CTNNA2: variants seen among roughly 807,000 people sequenced by gnomAD.
CTNNA2 encodes catenin alpha-2.
CTNNA2 carries 42 observed loss-of-function variants against 101.0 expected under a neutral mutation model. That is an observed-to-expected ratio of 0.42 (90% confidence interval 0.32 to 0.54). CTNNA2 has a LOEUF of 0.54. Among genes scored for constraint, CTNNA2 ranks in the 20% least tolerant of loss-of-function variants. CTNNA2 has a pLI of 0.14. For synonymous variants in CTNNA2, 450 were observed against 456.4 expected (o/e 0.99, Z 0.18); for missense variants, 871 against 1,223.1 (o/e 0.71, Z 4.29).
intron 9 of CTNNA2, among the ~76,000 whole-genome samples, chr2:80,441,155 A>C (rs186343910): frequency 2.0e-5 from 3 of 152,320 alleles, no homozygotes; most frequent in East Asian, 3.9e-4. Flanking sequence ...TAAATCCTAC[A>C]TGGTGGGTGG....
chr2:80,043,129 CCTTCCTTCCTTCCT>C (rs1696267484), intron 7 of CTNNA2, among the ~76,000 whole-genome samples: 2 of 37,250 alleles, frequency 5.4e-5, no homozygotes, highest in African/African-American at 3.7e-4. Context: ...CTCCTTCCTT[CCTTCCTTCCTTCCT>C]TCCTTCCTTC....
intron 18 of CTNNA2, among the ~76,000 whole-genome samples, chr2:80,622,129 C>A (rs1429617217): frequency 4.6e-5 from 7 of 151,886 alleles, no homozygotes; most frequent in Non-Finnish European, 8.8e-5. Context: ...ACCCCTTTCC[C>A]CTAAATCATA....
At chr2:79,232,507 A>G (rs748610316) in intron 2 of CTNNA2, among the ~76,000 whole-genome samples, 6 of 151,912 alleles carry the variant, frequency 3.9e-5, no homozygotes, top group Admixed American at 2.6e-4. Context: ...TTCTTTTTTC[A>G]TTGTGTCTCT....
At chr2:79,490,653 A>G (rs894340294) in intron 4 of CTNNA2, among the ~76,000 whole-genome samples, 21 of 152,306 alleles carry the variant, frequency 1.4e-4, no homozygotes, top group Admixed American at 1.2e-3. Context: ...AACACAATGA[A>G]TGGTTATTGA....
intron 6 of CTNNA2, among the ~76,000 whole-genome samples, chr2:79,897,425 T>C (rs1185050940): frequency 1.3e-5 from 2 of 152,052 alleles, no homozygotes; most frequent in African/African-American, 4.8e-5. Flanking sequence ...ACCATGGAAA[T>C]ATAAAGTATT....
intron 5 of CTNNA2, among the ~76,000 whole-genome samples, chr2:79,873,451 T>C (rs912532335): frequency 6.6e-6 from 1 of 151,902 alleles, no homozygotes; most frequent in Admixed American, 6.6e-5. Flanking sequence ...TACAGTAAAG[T>C]AGGAAGTGTT....
rs564498678 is a variant in CTNNA2 at position 80,397,623 on chromosome 2, C to A, written c.1137+4332C>A. ...CCGTGTATGATGTGACTTTGCTCTTCCTCCACCTTCCTCCAGGGTTGTGCG... is the reference window on the plus strand; with the variant it reads ...CCGTGTATGATGTGACTTTGCTCTTACTCCACCTTCCTCCAGGGTTGTGCG... On this transcript the variant is annotated intron_variant, in intron 8 of 18. Coordinates refer to ENST00000402739, the MANE Select transcript of CTNNA2 (RefSeq NM_001282597.3). 5.3e-5 allele frequency among the ~76,000 whole-genome samples: 8 copies of A among 152,298 alleles called. No individual in the cohort carries two copies. The East Asian group carries it at 1.5e-3, about 29-fold the overall frequency.
chr2:80,013,593 A>G (rs912067806), intron 7 of CTNNA2, among the ~76,000 whole-genome samples: 5 of 152,132 alleles, frequency 3.3e-5, no homozygotes, highest in Non-Finnish European at 7.4e-5. Flanking sequence ...TCTGCAGAAC[A>G]GTTTTGGTTG....
At chr2:79,651,693 G>A (rs780303654) in intron 2 of CTNNA2, 35 bp downstream of exon 2, 1 of 1,549,702 alleles carries the variant, frequency 6.5e-7, no homozygotes, top group Non-Finnish European at 8.9e-7. Flanking sequence ...TGTTATATAT[G>A]TGTTTCTATT....
chr2:79,594,398 C>CT (rs1477125912), intron 1 of CTNNA2, among the ~76,000 whole-genome samples: 1 of 152,140 alleles, frequency 6.6e-6, no homozygotes, highest in Non-Finnish European at 1.5e-5. Context: ...TTTAACTTCT[C>CT]TTTGTTATTA....
chr2:79,216,232 G>A (rs1400164673), intron 2 of CTNNA2, among the ~76,000 whole-genome samples: 1 of 152,052 alleles, frequency 6.6e-6, no homozygotes, highest in Non-Finnish European at 1.5e-5. Context: ...TCAGGTGTGA[G>A]TTGAAGAGGT....
At chr2:79,405,400 A>C (rs1399992078) in intron 4 of CTNNA2, among the ~76,000 whole-genome samples, 1 of 152,048 alleles carries the variant, frequency 6.6e-6, no homozygotes, top group Non-Finnish European at 1.5e-5. Flanking sequence ...ATCTAGGCTC[A>C]CTGCAATCTC....
chr2:79,716,703 CAT>C lies in CTNNA2; in HGVS notation c.103-27682_103-27681del, dbSNP rs1214462095. Among the ~76,000 whole-genome samples the C allele has an allele frequency of 7.9e-5, 12 of 152,182 alleles. No individual in the cohort carries two copies. In the South Asian group the frequency reaches 1.2e-3, roughly 16 times the overall value. On this transcript the variant is annotated intron_variant, in intron 2 of 18. Transcript: ENST00000402739. ...GAGGGGTGTCCTGGGAATACACAAA[CAT>C]AGGATATTCTGGTATTTTATGAGAA...
chr2:80,482,733 A>G (rs1404353319), intron 9 of CTNNA2, among the ~76,000 whole-genome samples: 1 of 152,214 alleles, frequency 6.6e-6, no homozygotes, highest in Non-Finnish European at 1.5e-5. Flanking sequence ...AGTTGCCAAC[A>G]TTTAAAAATC....
chr2:80,008,259 AGTT>A (rs1693517486), intron 7 of CTNNA2, among the ~76,000 whole-genome samples: 1 of 152,170 alleles, frequency 6.6e-6, no homozygotes, highest in Non-Finnish European at 1.5e-5. Flanking sequence ...TAGAAAGCAC[AGTT>A]GTTATTTATG....
chr2:79,480,499 CTATTA>C (rs1671097355), intron 4 of CTNNA2, among the ~76,000 whole-genome samples: 1 of 152,114 alleles, frequency 6.6e-6, no homozygotes, highest in Non-Finnish European at 1.5e-5. Context: ...ATTATTGGTT[CTATTA>C]TATTAACATT....
intron 4 of CTNNA2, among the ~76,000 whole-genome samples, chr2:79,378,852 T>A (rs1443876076): frequency 1.3e-5 from 2 of 152,114 alleles, no homozygotes; most frequent in Non-Finnish European, 2.9e-5. Context: ...ACAATGCTTC[T>A]TGTCTCAATC....
chr2:79,748,925 C>T (rs1406610222), intron 3 of CTNNA2, among the ~76,000 whole-genome samples: 4 of 151,998 alleles, frequency 2.6e-5, no homozygotes, highest in African/African-American at 4.8e-5. Flanking sequence ...GCCAGGATCA[C>T]GGGGCCAAAG....
chr2:80,361,601 A>G (rs1271416766), intron 7 of CTNNA2, among the ~76,000 whole-genome samples: 1 of 152,152 alleles, frequency 6.6e-6, no homozygotes, highest in African/African-American at 2.4e-5. Flanking sequence ...AGGACATTTT[A>G]AAAATCATGA....
Sources: gnomAD v4.1 joint callset for allele counts (sites outside exome capture counted in the v4.1 genomes callset) on GRCh38, gnomAD v4.1.1 for gene constraint, MANE v1.5 for transcripts, NCBI Gene and HGNC (gene_info 2026-07-23, HGNC 2026-07-21) for gene names.